The following DMD variants were observed in gnomAD, a reference collection of about 807,000 sequenced individuals.
DMD encodes the protein mutant dystrophin.
Under a neutral mutation model 330.1 loss-of-function variants are expected in DMD, and 63 were observed. The observed-to-expected ratio is 0.19, with a 90% CI of 0.16 to 0.24. The LOEUF is 0.24. Ranked by LOEUF, DMD falls within the 10% of genes least tolerant of loss-of-function variation. DMD has a pLI of 1.00. For missense variants in DMD, 3,344 were observed against 2,684.1 expected (o/e 1.25, Z -5.43); for synonymous variants, 1,223 against 959.8 (o/e 1.27, Z -5.07).
At chrX:32,366,767 C>CATCGGAT (rs756120342) in intron 34 of DMD, among the ~76,000 whole-genome samples, 10 of 111,949 alleles carry the variant, frequency 8.9e-5, no homozygotes, top group Non-Finnish European at 1.7e-4. Context: ...TTGCCTTTGG[C>CATCGGAT]ATCGGATAAA....
intron 3 of DMD, among the ~76,000 whole-genome samples, chrX:32,848,364 AG>A (rs1237853759): frequency 2.7e-4 from 30 of 112,179 alleles, no homozygotes; most frequent in Non-Finnish European, 5.3e-4. Context: ...TCACAGTCAT[AG>A]GAGATGAATT....
intron 4 of DMD, among the ~76,000 whole-genome samples, chrX:32,828,328 T>G (rs2078891373): frequency 9.0e-6 from 1 of 110,934 alleles, no homozygotes; most frequent in Non-Finnish European, 1.9e-5. Context: ...CAGAATTGAT[T>G]AACATTCCCA....
intron 44 of DMD, among the ~76,000 whole-genome samples, chrX:32,131,933 A>T (rs1603626656): frequency 9.0e-6 from 1 of 111,630 alleles, no homozygotes. Context: ...AAATGGAAAA[A>T]GCATATCTGT....
intron 9 of DMD, among the ~76,000 whole-genome samples, chrX:32,691,897 G>C (rs1011523110): frequency 9.0e-6 from 1 of 111,676 alleles, no homozygotes; most frequent in African/African-American, 3.3e-5. Flanking sequence ...AGTGAAATAA[G>C]ACAGTCACAT....
chrX:32,010,718 G>A (rs2095701336), intron 44 of DMD, among the ~76,000 whole-genome samples: 1 of 111,587 alleles, frequency 9.0e-6, no homozygotes, highest in Non-Finnish European at 1.9e-5. Flanking sequence ...GTTAGACTTG[G>A]GTACCTCTTC....
chrX:31,834,383 T>C (rs2093143670), intron 49 of DMD, among the ~76,000 whole-genome samples: 1 of 111,795 alleles, frequency 8.9e-6, no homozygotes, highest in Non-Finnish European at 1.9e-5. Flanking sequence ...GTGAGTCAAC[T>C]ATTTTTTTAA....
intron 1 of DMD, among the ~76,000 whole-genome samples, chrX:33,338,353 A>C (rs180835555): frequency 9.0e-6 from 1 of 110,541 alleles, no homozygotes; most frequent in East Asian, 2.9e-4. Context: ...AGTACTTATA[A>C]TTATAATCCA....
At chrX:32,324,273 T>C (rs376024249) in intron 41 of DMD, among the ~76,000 whole-genome samples, 1 of 111,557 alleles carries the variant, frequency 9.0e-6, no homozygotes, top group African/African-American at 3.2e-5. Flanking sequence ...GATGTAAAAA[T>C]ATTTGCATAA....
chrX:32,858,153 T>C (rs1460452007), intron 2 of DMD, among the ~76,000 whole-genome samples: 1 of 111,868 alleles, frequency 8.9e-6, no homozygotes, highest in African/African-American at 3.3e-5. Flanking sequence ...CAGAATATTC[T>C]ACCAGAGCAT....
chrX:32,698,292 T>C (rs1285984805), intron 8 of DMD, among the ~76,000 whole-genome samples: 1 of 111,098 alleles, frequency 9.0e-6, no homozygotes, highest in Non-Finnish European at 1.9e-5. Context: ...TACTCTTCAA[T>C]CCGGCAAAAA....
chrX:32,321,620 G>A (rs935141530), intron 41 of DMD, among the ~76,000 whole-genome samples: 17 of 111,333 alleles, frequency 1.5e-4, no homozygotes, highest in African/African-American at 5.5e-4. Context: ...TAAATTTTGT[G>A]AATAGGTTTC....
chrX:33,272,871 T>C lies in DMD; in HGVS notation c.7+66388A>G, dbSNP rs146311331. On this transcript the variant is annotated intron_variant, in intron 1 of 17. Transcript: ENST00000288447. ...ACAAGCTTTAGTCACTTGCTCTTCC[T>C]TGCGGTAGGCCCTTGGAATATTGAC... Among the ~76,000 whole-genome samples, 641 of 111,450 alleles carry C rather than the reference T, an allele frequency of 5.8e-3. 3 individuals are homozygous for C. The highest frequency in any genetic ancestry group is 0.02 in the African/African-American group (622 of 30,724).
intron 7 of DMD, among the ~76,000 whole-genome samples, chrX:32,720,253 G>T (rs2066150615): frequency 9.0e-6 from 1 of 110,772 alleles, no homozygotes; most frequent in Non-Finnish European, 1.9e-5. Context: ...TGAACTCCTA[G>T]AAGACAATGC....
At chrX:31,973,930 T>C (rs1348478188) in intron 44 of DMD, among the ~76,000 whole-genome samples, 1 of 111,645 alleles carries the variant, frequency 9.0e-6, no homozygotes, top group East Asian at 2.8e-4. Flanking sequence ...CCAGATCTTT[T>C]ATTAGTAATT....
chrX:32,734,967 G>A (rs2068241066), intron 7 of DMD, among the ~76,000 whole-genome samples: 1 of 110,413 alleles, frequency 9.1e-6, no homozygotes, highest in African/African-American at 3.3e-5. Flanking sequence ...AAAAGAGAAA[G>A]TCAAATTGAC....
chrX:31,713,975 A>C (rs1158446192), intron 52 of DMD, among the ~76,000 whole-genome samples: 1 of 112,117 alleles, frequency 8.9e-6, no homozygotes. Context: ...AAATGAATAA[A>C]ATAATCTCAC....
intron 67 of DMD, among the ~76,000 whole-genome samples, chrX:31,187,717 C>CAGAGAGAGAGAGAG: frequency 1.5e-5 from 1 of 66,869 alleles, no homozygotes; most frequent in Non-Finnish European, 2.8e-5. Context: ...CCCAGATTCT[C>CAGAGAGAGAGAGAG]AGAGAGAGAG....
chrX:32,700,386 A>G (rs920885554), intron 7 of DMD, among the ~76,000 whole-genome samples: 6 of 111,603 alleles, frequency 5.4e-5, no homozygotes, highest in African/African-American at 1.6e-4. Flanking sequence ...AGTAGAGAGT[A>G]GAATGGTGTT....
At chrX:32,894,564 C>T (rs761050509) in intron 2 of DMD, among the ~76,000 whole-genome samples, 2 of 112,595 alleles carry the variant, frequency 1.8e-5, no homozygotes, top group African/African-American at 3.2e-5. Flanking sequence ...CTTCATCCAA[C>T]CCAAAACTCG....
Sources: gnomAD v4.1 joint callset for allele counts (sites outside exome capture counted in the v4.1 genomes callset) on GRCh38, gnomAD v4.1.1 for gene constraint, MANE v1.5 for transcripts, NCBI Gene and HGNC (gene_info 2026-07-23, HGNC 2026-07-21) for gene names.